The following ARHGAP25 variants were observed in gnomAD, a reference collection of about 807,000 sequenced individuals.
ARHGAP25 encodes rho GTPase-activating protein 25.
ARHGAP25 carries 34 observed loss-of-function variants against 71.0 expected under a neutral mutation model. That is an observed-to-expected ratio of 0.48 (90% CI 0.36 to 0.64). ARHGAP25 has a LOEUF of 0.64. Ranked by LOEUF, ARHGAP25 falls within the 30% of genes least tolerant of loss-of-function variation. The pLI, the probability that ARHGAP25 is intolerant of heterozygous loss-of-function variation, is 0.00. For missense variants in ARHGAP25, 706 were observed against 805.1 expected, an observed-to-expected ratio of 0.88 and a Z score of 1.49; for synonymous variants, 282 against 296.5, an observed-to-expected ratio of 0.95 and a Z score of 0.50.
At chr2:68,774,693 C>A in intron 1 of ARHGAP25, 1 of 970,376 alleles carries the variant, frequency 1.0e-6, no homozygotes, top group Non-Finnish European at 1.2e-6. Context: ...CGTTCCACAG[C>A]GAGGTTGGAG....
intron 4 of ARHGAP25, among the ~76,000 whole-genome samples, chr2:68,798,069 A>G (rs143511270): frequency 6.6e-6 from 1 of 152,166 alleles, no homozygotes; most frequent in African/African-American, 2.4e-5. Context: ...AGCGGATGAG[A>G]TTACTGGAAA....
chr2:68,774,788 C>G, intron 1 of ARHGAP25: 1 of 1,064,868 alleles, frequency 9.4e-7, no homozygotes, highest in Non-Finnish European at 1.1e-6. Context: ...TCTGCAGCTG[C>G]GTGGGACTCA....
At chr2:68,716,187 A>G (rs1000819851) in intron 2 of ARHGAP25, among the ~76,000 whole-genome samples, 4 of 152,070 alleles carry the variant, frequency 2.6e-5, no homozygotes, top group Non-Finnish European at 2.9e-5. Flanking sequence ...ACTGCCATCT[A>G]TTTGGGGAAA....
In ARHGAP25 at chr2:68,746,734, C is replaced by T. The variant is rs184369312; in HGVS notation, c.61+11474C>T. 5.4e-3 allele frequency among the ~76,000 whole-genome samples: 822 copies of T among 151,536 alleles called. 8 individuals carry two copies. The highest frequency in any genetic ancestry group is 0.017 in the African/African-American group (700 of 41,294). On this transcript the variant is annotated intron_variant, in intron 1 of 10. Transcript: ENST00000409202. Reference sequence around the variant, plus strand: ...CTCCCCATCCCCACAGGGCCGGGCGCGGTGGCTCACGCTTGTAATCCCAGT... The same window carrying T: ...CTCCCCATCCCCACAGGGCCGGGCGTGGTGGCTCACGCTTGTAATCCCAGT...
At chr2:68,818,309 C>T (rs1681379377) in intron 8 of ARHGAP25, among the ~76,000 whole-genome samples, 1 of 152,068 alleles carries the variant, frequency 6.6e-6, no homozygotes, top group African/African-American at 2.4e-5. Flanking sequence ...AAGCAGGTTT[C>T]ATTTTATTTT....
chr2:68,774,378 G>A (rs1341659406), intron 1 of ARHGAP25, among the ~76,000 whole-genome samples: 1 of 152,146 alleles, frequency 6.6e-6, no homozygotes, highest in African/African-American at 2.4e-5. Context: ...GGACTTACTC[G>A]AATGACAGGC....
intron 5 of ARHGAP25, among the ~76,000 whole-genome samples, chr2:68,807,905 G>T (rs190286121): frequency 6.6e-6 from 1 of 152,170 alleles, no homozygotes; most frequent in African/African-American, 2.4e-5. Context: ...AGCGGCTTTC[G>T]TTAGCATTCC....
chr2:68,797,716 G>C (rs1394219376), intron 4 of ARHGAP25, among the ~76,000 whole-genome samples: 2 of 152,178 alleles, frequency 1.3e-5, no homozygotes, highest in Admixed American at 6.5e-5. Flanking sequence ...AGCCAGCCAG[G>C]TTTCAAAAAG....
At chr2:68,789,660 C>G (rs895963718) in intron 4 of ARHGAP25, among the ~76,000 whole-genome samples, 3 of 152,098 alleles carry the variant, frequency 2.0e-5, no homozygotes, top group African/African-American at 7.2e-5. Flanking sequence ...TTCTCCAGTC[C>G]AGTGCTTTAA....
At chr2:68,776,834 G>T (rs1677955577) in intron 2 of ARHGAP25, among the ~76,000 whole-genome samples, 1 of 152,136 alleles carries the variant, frequency 6.6e-6, no homozygotes, top group African/African-American at 2.4e-5. Flanking sequence ...CCCGAGAAAG[G>T]CAAGGACAAG....
At chr2:68,759,441 A>G (rs954567013) in intron 1 of ARHGAP25, among the ~76,000 whole-genome samples, 1 of 151,922 alleles carries the variant, frequency 6.6e-6, no homozygotes, top group Non-Finnish European at 1.5e-5. Flanking sequence ...ATATAAAAGT[A>G]CTATAAGCAA....
chr2:68,751,339 A>T (rs930158486), intron 1 of ARHGAP25, among the ~76,000 whole-genome samples: 1 of 152,124 alleles, frequency 6.6e-6, no homozygotes, highest in Non-Finnish European at 1.5e-5. Context: ...GCCAGGAAAA[A>T]CTCAGGCATG....
intron 4 of ARHGAP25, among the ~76,000 whole-genome samples, chr2:68,788,701 A>G (rs1480113786): frequency 6.6e-6 from 1 of 152,220 alleles, no homozygotes; most frequent in Admixed American, 6.5e-5. Flanking sequence ...GACAGGTATG[A>G]GTTCTCAAGT....
intron 7 of ARHGAP25, 138 bp from the exon 8 acceptor site, chr2:68,817,735 T>C: frequency 9.3e-7 from 1 of 1,073,466 alleles, no homozygotes; most frequent in Non-Finnish European, 1.3e-6. Context: ...TAAATTCTTG[T>C]GGGCAGAGCA....
chr2:68,820,139 C>T (rs748226220), intron 9 of ARHGAP25, among the ~76,000 whole-genome samples: 19 of 152,158 alleles, frequency 1.2e-4, no homozygotes, highest in Non-Finnish European at 2.2e-4. Flanking sequence ...ATTCTACTAA[C>T]ACTCTAAAAC....
intron 4 of ARHGAP25, among the ~76,000 whole-genome samples, chr2:68,799,758 C>T (rs1424228982): frequency 4.6e-5 from 7 of 152,164 alleles, no homozygotes; most frequent in East Asian, 3.9e-4. Flanking sequence ...GAAGAAGGGC[C>T]GGGAGGGCTG....
At chr2:68,803,978 G>A (rs11126198) in intron 4 of ARHGAP25, among the ~76,000 whole-genome samples, 94,972 of 151,932 alleles carry the variant, frequency 0.63, 30,163 homozygotes, top group East Asian at 0.84. Flanking sequence ...GTAGTTCTCA[G>A]TGGCCTGATG....
intron 1 of ARHGAP25, among the ~76,000 whole-genome samples, chr2:68,759,320 A>G (rs1364143574): frequency 6.6e-6 from 1 of 151,782 alleles, no homozygotes; most frequent in Non-Finnish European, 1.5e-5. Flanking sequence ...GGTCGACAAA[A>G]TTTACAAGCC....
chr2:68,782,202 T>C (rs529806555), intron 2 of ARHGAP25, 31 bp from the exon 3 acceptor site: 1 of 1,601,718 alleles, frequency 6.2e-7, no homozygotes, highest in South Asian at 1.1e-5. Context: ...AATTGCTGCT[T>C]ATCCTTAAGG....
Sources: allele counts gnomAD v4.1 joint callset (sites outside exome capture counted in the v4.1 genomes callset), GRCh38; gene constraint gnomAD v4.1.1; transcripts MANE v1.5; gene names NCBI Gene and HGNC (gene_info 2026-07-23, HGNC 2026-07-21).